Variants in DENND1A observed in about 807,000 individuals in gnomAD.
DENND1A encodes the protein DENN domain-containing protein 1A.
DENND1A carries 51 observed loss-of-function variants against 113.7 expected under a neutral mutation model. The observed-to-expected ratio is 0.45, with a 90% CI of 0.36 to 0.57. The LOEUF is 0.57. DENND1A is among the 20% of genes least tolerant of loss of function. The probability of loss-of-function intolerance (pLI) is 0.00; values close to 1 mark genes in which losing one functional copy is unlikely to be tolerated. For missense variants in DENND1A, 1,258 were observed against 1,395.9 expected, an observed-to-expected ratio of 0.90 and a Z score of 1.57; for synonymous variants, 565 against 570.8, an observed-to-expected ratio of 0.99 and a Z score of 0.14.
At chr9:123,784,685 G>C (rs572469822) in intron 3 of DENND1A, among the ~76,000 whole-genome samples, 2 of 152,298 alleles carry the variant, frequency 1.3e-5, no homozygotes, top group African/African-American at 2.4e-5. Context: ...ATAAGAATGT[G>C]TAAGTAAGGA....
chr9:123,792,438 G>T, intron 3 of DENND1A, 149 bp downstream of exon 3: 1 of 763,722 alleles, frequency 1.3e-6, no homozygotes, highest in Non-Finnish European at 2.1e-6. Context: ...ACTTCAATAC[G>T]TTTTACTTTT....
At chr9:123,882,887 T>G (rs982507166) in intron 1 of DENND1A, among the ~76,000 whole-genome samples, 3 of 152,140 alleles carry the variant, frequency 2.0e-5, no homozygotes, top group Non-Finnish European at 4.4e-5. Context: ...TACCACAATT[T>G]AAACAAACAA....
chr9:123,885,205 A>G (rs1218657053), intron 1 of DENND1A, among the ~76,000 whole-genome samples: 1 of 152,222 alleles, frequency 6.6e-6, no homozygotes, highest in African/African-American at 2.4e-5. Context: ...CCTGATGCCC[A>G]GTCTATATCG....
intron 20 of DENND1A, among the ~76,000 whole-genome samples, chr9:123,409,374 C>T (rs541533213): frequency 2.0e-5 from 3 of 151,920 alleles, no homozygotes; most frequent in African/African-American, 7.2e-5. Flanking sequence ...AAATCCAAGA[C>T]TTTTTGAGCC....
intron 5 of DENND1A, among the ~76,000 whole-genome samples, chr9:123,716,012 A>G (rs950607761): frequency 6.6e-6 from 1 of 152,134 alleles, no homozygotes; most frequent in Non-Finnish European, 1.5e-5. Flanking sequence ...AATGCCCTTT[A>G]ACAGCATGAC....
intron 21 of DENND1A, among the ~76,000 whole-genome samples, chr9:123,391,321 A>G (rs926261455): frequency 6.6e-6 from 1 of 152,226 alleles, no homozygotes; most frequent in Admixed American, 6.5e-5. Flanking sequence ...ATGTGGTCAG[A>G]TCAGAGCTTT....
At chr9:123,624,239 C>T (rs1464560473) in intron 10 of DENND1A, among the ~76,000 whole-genome samples, 1 of 152,298 alleles carries the variant, frequency 6.6e-6, no homozygotes, top group East Asian at 1.9e-4. Context: ...GTTTCAGGCT[C>T]CTAGCACTTT....
At chr9:123,672,327 T>A (rs1564922498) in intron 6 of DENND1A, among the ~76,000 whole-genome samples, 1 of 152,174 alleles carries the variant, frequency 6.6e-6, no homozygotes, top group Non-Finnish European at 1.5e-5. Context: ...AGGAGAGAGA[T>A]GAACTTGTGG....
chr9:123,729,030 A>G (rs1348029447), intron 5 of DENND1A, among the ~76,000 whole-genome samples: 2 of 152,224 alleles, frequency 1.3e-5, no homozygotes, highest in Admixed American at 6.5e-5. Flanking sequence ...TGATTATCTT[A>G]ACAGATGCAG....
chr9:123,774,793 T>A (rs1171066484), intron 3 of DENND1A, among the ~76,000 whole-genome samples: 1 of 152,184 alleles, frequency 6.6e-6, no homozygotes, highest in Non-Finnish European at 1.5e-5. Flanking sequence ...ATATGCAGTA[T>A]TAATGTTGTA....
At chr9:123,807,703 A>G (rs745853527) in intron 2 of DENND1A, among the ~76,000 whole-genome samples, 2 of 152,192 alleles carry the variant, frequency 1.3e-5, no homozygotes, top group African/African-American at 2.4e-5. Flanking sequence ...AGATTAATTC[A>G]GGGGCACTCC....
intron 10 of DENND1A, among the ~76,000 whole-genome samples, chr9:123,628,245 A>C (rs2061326984): frequency 6.6e-6 from 1 of 151,754 alleles, no homozygotes; most frequent in African/African-American, 2.4e-5. Context: ...ACAGCAGGGA[A>C]TAAGATGGGA....
chr9:123,630,962 T>C (rs2061450123), intron 9 of DENND1A, among the ~76,000 whole-genome samples: 1 of 152,218 alleles, frequency 6.6e-6, no homozygotes, highest in African/African-American at 2.4e-5. Context: ...AGAAAAAATA[T>C]CTTTTAATGA....
intron 9 of DENND1A, among the ~76,000 whole-genome samples, chr9:123,646,579 G>GC (rs2062345005): frequency 6.6e-6 from 1 of 151,966 alleles, no homozygotes; most frequent in Non-Finnish European, 1.5e-5. Context: ...GCATTCTGAG[G>GC]CCATCTACCT....
intron 13 of DENND1A, among the ~76,000 whole-genome samples, chr9:123,530,041 C>G (rs1005340595): frequency 6.6e-6 from 1 of 151,964 alleles, no homozygotes; most frequent in Admixed American, 6.6e-5. Flanking sequence ...ACAGAGAGAT[C>G]AAGGGTAAAG....
At chr9:123,676,907 T>TCACAGACTGGTGGAAA in intron 5 of DENND1A, 118 bp from the exon 6 acceptor site, 1 of 929,666 alleles carries the variant, frequency 1.1e-6, no homozygotes, top group Admixed American at 2.0e-5. Context: ...AGTCTTCCTG[T>TCACAGACTGGTGGAAA]CACAGACTGG....
intron 18 of DENND1A, among the ~76,000 whole-genome samples, chr9:123,441,825 T>C (rs1588546919): frequency 6.6e-6 from 1 of 152,256 alleles, no homozygotes; most frequent in African/African-American, 2.4e-5. Context: ...TACACTTTGA[T>C]CAACAAAATA....
At chr9:123,552,997 A>G (rs2057195135) in intron 13 of DENND1A, among the ~76,000 whole-genome samples, 1 of 152,250 alleles carries the variant, frequency 6.6e-6, no homozygotes, top group Non-Finnish European at 1.5e-5. Flanking sequence ...TCATGCCTGT[A>G]ATCTCAGCAC....
intron 3 of DENND1A, among the ~76,000 whole-genome samples, chr9:123,781,590 A>C (rs540384120): frequency 3.3e-4 from 51 of 152,324 alleles, no homozygotes; most frequent in African/African-American, 1.2e-3. Flanking sequence ...TTCAGGTATT[A>C]TGTAAACATT....
Sources: allele counts gnomAD v4.1 joint callset (sites outside exome capture counted in the v4.1 genomes callset), GRCh38; gene constraint gnomAD v4.1.1; transcripts MANE v1.5; gene names NCBI Gene and HGNC (gene_info 2026-07-23, HGNC 2026-07-21).